The following ABCA13 variants were observed in gnomAD, a reference collection of about 807,000 sequenced individuals.
The protein encoded by ABCA13 is ATP-binding cassette sub-family A member 13.
A neutral mutation model predicts 478.7 loss-of-function variants in ABCA13; 476 were observed. The ratio of observed to expected loss-of-function variants is 0.99; its 90% CI spans 0.92 to 1.07. The LOEUF (loss-of-function observed/expected upper bound fraction) is 1.07, where lower values mean the gene tolerates loss of function less well. Among genes scored for constraint, ABCA13 ranks in the 50% least tolerant of loss-of-function variants. ABCA13 has a pLI of 0.00. For synonymous variants in ABCA13, 2,252 were observed against 2,158.9 expected (o/e 1.04, Z -1.20); for missense variants, 6,060 against 5,910.6 (o/e 1.03, Z -0.83).
chr7:48,484,320 C>G (rs1246063123), intron 47 of ABCA13, among the ~76,000 whole-genome samples: 1 of 152,128 alleles, frequency 6.6e-6, no homozygotes, highest in Non-Finnish European at 1.5e-5. Flanking sequence ...GAGGTTTGTT[C>G]AAATCTCTTT....
intron 55 of ABCA13, among the ~76,000 whole-genome samples, chr7:48,579,403 AT>A (rs1788488899): frequency 1.3e-5 from 2 of 152,264 alleles, no homozygotes; most frequent in South Asian, 4.1e-4. Flanking sequence ...AAAATTGCAA[AT>A]AAAAGCAACA....
chr7:48,369,726 T>A (rs1467994901), intron 32 of ABCA13, among the ~76,000 whole-genome samples: 1 of 152,176 alleles, frequency 6.6e-6, no homozygotes, highest in East Asian at 1.9e-4. Flanking sequence ...ATTTCTGGGT[T>A]CTTTATTCTG....
intron 54 of ABCA13, among the ~76,000 whole-genome samples, chr7:48,525,722 T>C (rs1481887465): frequency 6.6e-6 from 1 of 151,490 alleles, no homozygotes; most frequent in Non-Finnish European, 1.5e-5. Flanking sequence ...TTATGATGTT[T>C]TATTTTTATT....
chr7:48,272,856 G>A lies in ABCA13; in HGVS notation c.3190G>A (p.Gly1064Ser), dbSNP rs1189072067. ...ELEVIHTTLT[G>S]LKQLLIIDED... ...GGAAGTGATCCACACTACTTTGACA[G>A]GCCTCAAACAGCTGCTCATAATTGA... Residue 1064 changes from glycine (G) to serine (S), a missense_variant, in exon 17 of 62, where the codon GGC (glycine) becomes AGC (serine). Gly to Ser is a moderately conservative substitution (Grantham distance 56). Transcript: ENST00000435803. 1 of 1,607,508 alleles carries A rather than the reference G, an allele frequency of 6.2e-7. No homozygotes were observed. Among genetic ancestry groups the A allele is most frequent in the Non-Finnish European group, 8.5e-7 (1 of 1,176,096 alleles).
chr7:48,382,118 C>T (rs1206597591), intron 35 of ABCA13, among the ~76,000 whole-genome samples: 1 of 152,080 alleles, frequency 6.6e-6, no homozygotes, highest in Non-Finnish European at 1.5e-5. Context: ...TTTCTACTTC[C>T]CATCCCTGAA....
chr7:48,463,678 C>T (rs1343372720), intron 43 of ABCA13, among the ~76,000 whole-genome samples: 7 of 151,858 alleles, frequency 4.6e-5, no homozygotes, highest in African/African-American at 1.5e-4. Flanking sequence ...AATTTATCAA[C>T]ACCAAAAGCT....
chr7:48,567,109 G>A (rs1044145998), intron 55 of ABCA13, among the ~76,000 whole-genome samples: 2 of 152,110 alleles, frequency 1.3e-5, no homozygotes, highest in African/African-American at 4.8e-5. Flanking sequence ...GGAAGTAAAG[G>A]TTCTTCATTT....
intron 58 of ABCA13, among the ~76,000 whole-genome samples, chr7:48,614,942 G>A (rs1207168199): frequency 6.7e-6 from 1 of 148,582 alleles, no homozygotes; most frequent in Non-Finnish European, 1.5e-5. Context: ...GCTAAGTGAC[G>A]AGTTAATGGG....
intron 20 of ABCA13, among the ~76,000 whole-genome samples, chr7:48,292,691 A>G (rs539512583): frequency 1.3e-5 from 2 of 152,230 alleles, no homozygotes; most frequent in East Asian, 3.9e-4. Flanking sequence ...TGCTTCCCTA[A>G]TGATGATAAG....
chr7:48,429,110 C>T (rs1028372104), intron 42 of ABCA13, among the ~76,000 whole-genome samples: 5 of 152,188 alleles, frequency 3.3e-5, no homozygotes, highest in African/African-American at 4.8e-5. Flanking sequence ...CATGTTACAG[C>T]GTGCCAGTAC....
At chr7:48,536,160 C>G (rs1372524708) in intron 55 of ABCA13, among the ~76,000 whole-genome samples, 1 of 152,186 alleles carries the variant, frequency 6.6e-6, no homozygotes, top group African/African-American at 2.4e-5. Context: ...ATGGTAACAT[C>G]TCTGATTCTA....
chr7:48,633,391 C>G (rs1439950794), intron 59 of ABCA13, among the ~76,000 whole-genome samples: 1 of 152,052 alleles, frequency 6.6e-6, no homozygotes, highest in East Asian at 1.9e-4. Context: ...CAAAGAAATT[C>G]TAGACTTAAC....
At chr7:48,445,568 C>T (rs1268789029) in intron 42 of ABCA13, among the ~76,000 whole-genome samples, 1 of 152,158 alleles carries the variant, frequency 6.6e-6, no homozygotes, top group Non-Finnish European at 1.5e-5. Flanking sequence ...CTTCTCTGAG[C>T]TAATCTTTGT....
At chr7:48,597,786 G>C (rs1470626360) in intron 58 of ABCA13, among the ~76,000 whole-genome samples, 8 of 152,032 alleles carry the variant, frequency 5.3e-5, no homozygotes, top group Non-Finnish European at 7.4e-5. Context: ...TTTAAAAATG[G>C]CTTGATACTT....
At chr7:48,232,907 A>T (rs1562836210) in intron 7 of ABCA13, among the ~76,000 whole-genome samples, 1 of 152,184 alleles carries the variant, frequency 6.6e-6, no homozygotes, top group Non-Finnish European at 1.5e-5. Context: ...GAAAAAGGGG[A>T]TAATTACAGC....
In ABCA13 at chr7:48,273,667, T is replaced by C; in HGVS notation, c.4001T>C (p.Leu1334Pro). The C allele has an allele frequency of 6.2e-7, 1 of 1,607,856 alleles. No individual in the cohort carries two copies. The highest frequency in any genetic ancestry group is 1.1e-5 in the South Asian group (1 of 90,228). The change falls in exon 17 of 62, where the codon CTT becomes CCT. Residue 1334 changes from leucine (L) to proline (P), a missense_variant. This residue lies in a region of ABCA13 where 4,423 missense variants were observed against 4,309.1 expected (regional missense o/e 1.03). Transcript: ENST00000435803. Reference sequence around the variant, plus strand: ...GAGCTAAGAGAAGCAATAGTATTTCTTAGAAATGTATCACATGATCGAGAT... The same window carrying C: ...GAGCTAAGAGAAGCAATAGTATTTCCTAGAAATGTATCACATGATCGAGAT... ...ITELREAIVF[L>P]RNVSHDRDLF...
At chr7:48,410,399 G>A (rs1818848806) in intron 39 of ABCA13, 121 bp from the exon 40 acceptor site, 2 of 1,289,672 alleles carry the variant, frequency 1.6e-6, no homozygotes, top group Non-Finnish European at 2.2e-6. Flanking sequence ...ATTTTTTTCA[G>A]TTTGAAAATT....
chr7:48,321,889 T>G (rs904710953), intron 27 of ABCA13, among the ~76,000 whole-genome samples: 1 of 152,182 alleles, frequency 6.6e-6, no homozygotes, highest in African/African-American at 2.4e-5. Context: ...CACATGGCTG[T>G]GGGAGTCCTG....
At chr7:48,592,534 A>T (rs1418843512) in intron 57 of ABCA13, among the ~76,000 whole-genome samples, 2 of 151,828 alleles carry the variant, frequency 1.3e-5, no homozygotes, top group Non-Finnish European at 2.9e-5. Flanking sequence ...TGTTCTGGAG[A>T]AGAATGTGTA....
Sources: allele counts gnomAD v4.1 joint callset (sites outside exome capture counted in the v4.1 genomes callset), GRCh38; gene constraint gnomAD v4.1.1; regional missense constraint gnomAD v4.1.1; transcripts MANE v1.5; gene names NCBI Gene and HGNC (gene_info 2026-07-23, HGNC 2026-07-21).